TRPS1: variants seen among roughly 807,000 people sequenced by gnomAD.
The protein encoded by TRPS1 is zinc finger transcription factor Trps1.
Under a neutral mutation model 101.2 loss-of-function variants are expected in TRPS1, and 6 were observed. The observed-to-expected ratio is 0.06, with a 90% CI of 0.03 to 0.12. The LOEUF (loss-of-function observed/expected upper bound fraction) is 0.12, where lower values mean the gene tolerates loss of function less well. TRPS1 is among the 10% of genes least tolerant of loss of function. TRPS1 has a pLI of 1.00. For missense variants in TRPS1, 1,363 were observed against 1,567.0 expected (o/e 0.87, Z 2.20); for synonymous variants, 578 against 589.8 (o/e 0.98, Z 0.29).
At chr8:115,649,270 C>T (rs576172887) in intron 1 of TRPS1, among the ~76,000 whole-genome samples, 1 of 152,284 alleles carries the variant, frequency 6.6e-6, no homozygotes, top group East Asian at 1.9e-4. Flanking sequence ...ATTAAAAAGT[C>T]AGCTAGTCTT....
intron 1 of TRPS1, among the ~76,000 whole-genome samples, chr8:115,653,080 A>G (rs1811598293): frequency 6.6e-6 from 1 of 152,186 alleles, no homozygotes; most frequent in Admixed American, 6.5e-5. Context: ...AATAAGAGCT[A>G]TTTTGCCTTA....
At chr8:115,469,271 G>C (rs800878) in intron 5 of TRPS1, among the ~76,000 whole-genome samples, 54,328 of 152,090 alleles carry the variant, frequency 0.36, 10,418 homozygotes, top group Non-Finnish European at 0.45. Context: ...TCCTTGATCT[G>C]CAATATGTTT....
At position 115,637,826 on chromosome 8, in the gene TRPS1, AACTC is replaced by A. The variant is rs200197378; in HGVS notation, c.-121-14072_-121-14069del. Among the ~76,000 whole-genome samples the A allele has an allele frequency of 2.9e-3, 443 of 152,312 alleles. 3 individuals are homozygous for A. Among genetic ancestry groups the A allele is most frequent in the African/African-American group, 0.01 (421 of 41,574 alleles). ...TGAAAAGACAAAAATAGAGCTGATC[AACTC>A]ACTAACTTAGCTCTTGACACCCATC... On this transcript the variant is annotated intron_variant, in intron 1 of 6. Transcript: ENST00000395715.
chr8:115,571,304 A>G (rs1188747284), intron 5 of TRPS1, among the ~76,000 whole-genome samples: 1 of 152,224 alleles, frequency 6.6e-6, no homozygotes, highest in African/African-American at 2.4e-5. Flanking sequence ...TCATCACACA[A>G]CGAAGTGTGG....
At chr8:115,580,639 A>G (rs192717799) in intron 5 of TRPS1, among the ~76,000 whole-genome samples, 30 of 152,316 alleles carry the variant, frequency 2.0e-4, no homozygotes, top group African/African-American at 6.7e-4. Flanking sequence ...AAAGGATAAC[A>G]TTTCACAGTA....
intron 3 of TRPS1, among the ~76,000 whole-genome samples, chr8:115,616,525 CTT>C (rs58999466): frequency 3.2e-4 from 44 of 138,198 alleles, no homozygotes; most frequent in Admixed American, 2.9e-4. Flanking sequence ...GCTTCTGTTA[CTT>C]TTTTTTTTTT....
intron 5 of TRPS1, among the ~76,000 whole-genome samples, chr8:115,549,597 C>A (rs10097784): frequency 0.69 from 104,088 of 151,318 alleles, 37,338 homozygotes; most frequent in African/African-American, 0.89. Flanking sequence ...TTGTGTAGTT[C>A]GCCCAAATGT....
chr8:115,644,502 G>A (rs2721960), intron 1 of TRPS1, among the ~76,000 whole-genome samples: 76,491 of 152,086 alleles, frequency 0.5, 22,748 homozygotes, highest in African/African-American at 0.83. Flanking sequence ...GCTGTGCCCT[G>A]AGGGAATGTC....
In TRPS1 at chr8:115,623,617, A is replaced by C; in HGVS notation, c.21T>G (p.Ala7=). The change falls in exon 2 of 7, where the codon GCT becomes GCG. Residue 7 remains alanine, a synonymous_variant. Transcript: ENST00000395715. MPYEVN[A]GYDFTNMVRK... ...ATCACATACTTGTAAAATCATACCCAGCATTGACTTCATAAGGCATGTGGC... is the reference window on the plus strand; with the variant it reads ...ATCACATACTTGTAAAATCATACCCCGCATTGACTTCATAAGGCATGTGGC... 6.2e-7 allele frequency: 1 copy of C among 1,611,110 alleles called. No individual in the cohort carries two copies. Among genetic ancestry groups the C allele is most frequent in the Non-Finnish European group, 8.5e-7 (1 of 1,178,690 alleles).
At chr8:115,482,825 A>C (rs1419337780) in intron 5 of TRPS1, among the ~76,000 whole-genome samples, 1 of 152,180 alleles carries the variant, frequency 6.6e-6, no homozygotes, top group Non-Finnish European at 1.5e-5. Context: ...ATTTTAGATA[A>C]AAGAACCCCA....
chr8:115,583,554 C>A (rs1487919866), intron 5 of TRPS1, among the ~76,000 whole-genome samples: 2 of 152,004 alleles, frequency 1.3e-5, no homozygotes, highest in African/African-American at 2.4e-5. Flanking sequence ...ATAAAGTTGT[C>A]ATATAAGCTT....
chr8:115,605,061 T>G, intron 3 of TRPS1, 59 bp from the exon 4 acceptor site: 8 of 1,477,668 alleles, frequency 5.4e-6, no homozygotes, highest in Non-Finnish European at 7.5e-6. Context: ...ATGGGCCCTC[T>G]GCAGGGGAGG....
chr8:115,537,226 TTTC>T (rs1816344893), intron 5 of TRPS1, among the ~76,000 whole-genome samples: 1 of 152,236 alleles, frequency 6.6e-6, no homozygotes, highest in African/African-American at 2.4e-5. Flanking sequence ...TTGTGTTGTT[TTTC>T]TTTTTATAAA....
intron 5 of TRPS1, among the ~76,000 whole-genome samples, chr8:115,498,403 CTCTCTCTCTCTCTATATATATATATA>C (rs1360830532): frequency 7.1e-4 from 60 of 84,824 alleles, no homozygotes; most frequent in South Asian, 3.9e-3. Flanking sequence ...CTCTCTCTCT[CTCTCTCTCTCTCTATATATATATATA>C]TATATATATA....
intron 5 of TRPS1, among the ~76,000 whole-genome samples, chr8:115,487,453 A>C (rs2130088453): frequency 6.6e-6 from 1 of 152,298 alleles, no homozygotes; most frequent in South Asian, 2.1e-4. Flanking sequence ...ACATTTTATA[A>C]GGCTGAAGCG....
chr8:115,578,660 T>C (rs916484949), intron 5 of TRPS1, among the ~76,000 whole-genome samples: 7 of 151,996 alleles, frequency 4.6e-5, no homozygotes, highest in African/African-American at 1.7e-4. Flanking sequence ...GGGAGGTACA[T>C]GATCCTATAC....
chr8:115,556,122 G>C (rs1279385682), intron 5 of TRPS1, among the ~76,000 whole-genome samples: 1 of 152,022 alleles, frequency 6.6e-6, no homozygotes, highest in Non-Finnish European at 1.5e-5. Flanking sequence ...TCTCAAACAG[G>C]GATGGTAAAA....
chr8:115,555,868 C>CA (rs11352416), intron 5 of TRPS1, among the ~76,000 whole-genome samples: 17 of 148,942 alleles, frequency 1.1e-4, no homozygotes, highest in Admixed American at 4.7e-4. Context: ...AACAAACAAA[C>CA]AAAAAAAAAA....
intron 5 of TRPS1, among the ~76,000 whole-genome samples, chr8:115,441,894 A>G (rs200724931): frequency 1.5e-5 from 2 of 132,174 alleles, no homozygotes; most frequent in Non-Finnish European, 3.1e-5. Context: ...AGAGAGAGAG[A>G]GAGAGTGTGT....
Sources: gnomAD v4.1 joint callset for allele counts (sites outside exome capture counted in the v4.1 genomes callset) on GRCh38, gnomAD v4.1.1 for gene constraint, MANE v1.5 for transcripts, NCBI Gene and HGNC (gene_info 2026-07-23, HGNC 2026-07-21) for gene names.